Variants in PARD3B observed in about 807,000 individuals in gnomAD.
The protein encoded by PARD3B is partitioning defective 3 homolog B.
A neutral mutation model predicts 130.2 loss-of-function variants in PARD3B; 103 were observed. The ratio of observed to expected loss-of-function variants is 0.79; its 90% CI spans 0.67 to 0.93. The LOEUF is 0.93. Ranked by LOEUF, PARD3B falls within the 40% of genes least tolerant of loss-of-function variation. The pLI is 0.00. For missense variants in PARD3B, 1,609 were observed against 1,499.2 expected (o/e 1.07, Z -1.21); for synonymous variants, 583 against 553.2 (o/e 1.05, Z -0.76).
chr2:204,630,172 T>G (rs2034627255), intron 1 of PARD3B, among the ~76,000 whole-genome samples: 1 of 152,164 alleles, frequency 6.6e-6, no homozygotes, highest in African/African-American at 2.4e-5. Flanking sequence ...GATAGTGTTA[T>G]ACTCAATCTG....
In PARD3B at chr2:205,498,834, C is replaced by T. The variant is rs924228059; in HGVS notation, c.3045-1062C>T. Among the ~76,000 whole-genome samples, 72 of 152,188 alleles carry T rather than the reference C, an allele frequency of 4.7e-4. 3 individuals are homozygous for T. Among genetic ancestry groups the T allele is most frequent in the Non-Finnish European group, 1.3e-4 (9 of 68,030 alleles). On this transcript the variant is annotated intron_variant, in intron 20 of 22. Transcript: ENST00000406610. Reference sequence around the variant, plus strand: ...CCTTCTGTGATTTTCTTCAATGGCCCTGCTCTCACCTTGTCAAAGTTTAAG... The same window carrying T: ...CCTTCTGTGATTTTCTTCAATGGCCTTGCTCTCACCTTGTCAAAGTTTAAG...
chr2:204,949,990 G>C (rs1689633721), intron 2 of PARD3B, among the ~76,000 whole-genome samples: 1 of 152,134 alleles, frequency 6.6e-6, no homozygotes, highest in South Asian at 2.1e-4. Flanking sequence ...GGATGAATAA[G>C]ACTTTTGATC....
At chr2:205,083,944 CACG>C (rs1422084502) in intron 4 of PARD3B, among the ~76,000 whole-genome samples, 5 of 152,238 alleles carry the variant, frequency 3.3e-5, no homozygotes, top group Middle Eastern at 3.4e-3. Context: ...TTCCCAACAT[CACG>C]ACATTTATAT....
At chr2:205,008,846 G>A (rs1695487194) in intron 3 of PARD3B, among the ~76,000 whole-genome samples, 1 of 152,170 alleles carries the variant, frequency 6.6e-6, no homozygotes, top group Non-Finnish European at 1.5e-5. Context: ...GAGGCTAAGT[G>A]ATTTCCAAGA....
At chr2:205,063,036 A>T (rs955250026) in intron 4 of PARD3B, among the ~76,000 whole-genome samples, 3 of 152,052 alleles carry the variant, frequency 2.0e-5, no homozygotes, top group Non-Finnish European at 2.9e-5. Context: ...TATTATATAT[A>T]TTCAACTTTA....
rs1475438888 is a variant in PARD3B at position 205,458,780 on chromosome 2, A to G, written c.3044+18108A>G. On this transcript the variant is annotated intron_variant, in intron 20 of 22. Transcript: ENST00000406610. This position sits in a 1 kb window ranked among gnomAD's most constrained non-coding sequence, Gnocchi z 4.8. ...GTATGCATATTTTTGATCAAATGCT[A>G]GACACAGTCCTTGAAAAGCTGTAGA... is the stretch of plus-strand genomic sequence containing the variant. Among the ~76,000 whole-genome samples, 1 of 152,162 alleles carries G rather than the reference A, an allele frequency of 6.6e-6. No individual in the cohort carries two copies. Among genetic ancestry groups the G allele is most frequent in the Non-Finnish European group, 1.5e-5 (1 of 68,042 alleles).
chr2:205,098,968 G>C (rs1182561830), intron 4 of PARD3B, among the ~76,000 whole-genome samples: 1 of 152,140 alleles, frequency 6.6e-6, no homozygotes, highest in African/African-American at 2.4e-5. Context: ...AAAAATTGTA[G>C]TAATTAAACT....
rs140879397 is a variant in PARD3B, at chr2:204,711,799, C to T, written c.222+25517C>T. 8.2e-3 allele frequency among the ~76,000 whole-genome samples: 1,247 copies of T among 152,224 alleles called. 18 individuals are homozygous for T. The highest frequency in any genetic ancestry group is 0.028 in the African/African-American group (1,168 of 41,540). On this transcript the variant is annotated intron_variant, in intron 2 of 22. Coordinates refer to ENST00000406610, the MANE Select transcript of PARD3B (RefSeq NM_001302769.2). Reference sequence around the variant, plus strand: ...CTGACTTCAATTGATCTACCCACCTCGGCCTCCCAAAGTGCTGGGATTACA... The same window carrying T: ...CTGACTTCAATTGATCTACCCACCTTGGCCTCCCAAAGTGCTGGGATTACA...
chr2:204,829,930 C>T (rs2043742607), intron 2 of PARD3B, among the ~76,000 whole-genome samples: 2 of 133,818 alleles, frequency 1.5e-5, no homozygotes, highest in African/African-American at 5.7e-5. Context: ...ACCCGGGAGG[C>T]GGAGCTTGCA....
In PARD3B at chr2:205,142,022, C is replaced by A. The variant is rs2032998280; in HGVS notation, c.1434+16285C>A. On this transcript the variant is annotated intron_variant, in intron 10 of 22. Coordinates refer to ENST00000406610, the MANE Select transcript of PARD3B (RefSeq NM_001302769.2). This position sits in a 1 kb window ranked among gnomAD's most constrained non-coding sequence, Gnocchi z 4.3. ...TTGGGATAAGGGACAGTGGCATAAA[C>A]ATAAAAATGGAGTGGTCTCTGTTGC... 6.6e-6 allele frequency among the ~76,000 whole-genome samples: 1 copy of A among 152,116 alleles called. No homozygotes were observed. The highest frequency in any genetic ancestry group is 6.6e-5 in the Admixed American group (1 of 15,260).
chr2:204,564,919 A>G (rs924258918), intron 1 of PARD3B, among the ~76,000 whole-genome samples: 2 of 152,236 alleles, frequency 1.3e-5, no homozygotes, highest in African/African-American at 4.8e-5. Context: ...TACATTTATT[A>G]TATCACAGTT....
At chr2:204,896,679 G>C (rs1045605698) in intron 2 of PARD3B, among the ~76,000 whole-genome samples, 2 of 152,124 alleles carry the variant, frequency 1.3e-5, no homozygotes, top group African/African-American at 2.4e-5. Context: ...AGTACTCCTT[G>C]TAAGAGAGAC....
chr2:204,782,409 A>AT (rs1290653875), intron 2 of PARD3B, among the ~76,000 whole-genome samples: 1 of 151,758 alleles, frequency 6.6e-6, no homozygotes, highest in African/African-American at 2.4e-5. Context: ...TTCATGTCAC[A>AT]TGTATGTATT....
At position 205,361,623 on chromosome 2, in the gene PARD3B, A is replaced by G. The variant is rs145805783; in HGVS notation, c.2631-39390A>G. 9.4e-4 allele frequency among the ~76,000 whole-genome samples: 143 copies of G among 152,306 alleles called. 1 individual carries two copies. The highest frequency in any genetic ancestry group is 2.6e-3 in the Admixed American group (40 of 15,306). ...ACCCAGGGTTTTATCCTGCCCCTTA[A>G]GGTAACGTCTTTAGGTAACTAATCT... On this transcript the variant is annotated intron_variant, in intron 18 of 22. Transcript: ENST00000406610.
chr2:205,513,232 A>G (rs769321180), intron 21 of PARD3B, among the ~76,000 whole-genome samples: 3 of 152,146 alleles, frequency 2.0e-5, no homozygotes, highest in Non-Finnish European at 4.4e-5. Context: ...AAAACAAAAC[A>G]GAACAAATCG....
intron 2 of PARD3B, among the ~76,000 whole-genome samples, chr2:204,867,049 A>G (rs1335917383): frequency 6.6e-6 from 1 of 152,082 alleles, no homozygotes; most frequent in East Asian, 1.9e-4. Context: ...AGCCTGGGCA[A>G]TGATAGTGAA....
chr2:204,864,162 C>T (rs967998725), intron 2 of PARD3B, among the ~76,000 whole-genome samples: 3 of 152,070 alleles, frequency 2.0e-5, no homozygotes, highest in South Asian at 2.1e-4. Context: ...GCCTGGAGCA[C>T]GACAGCATAC....
chr2:204,553,722 C>T (rs2125046250), intron 1 of PARD3B, among the ~76,000 whole-genome samples: 1 of 132,488 alleles, frequency 7.5e-6, no homozygotes, highest in South Asian at 2.4e-4. Flanking sequence ...AGGAATACAC[C>T]TCAGCCATTA....
intron 22 of PARD3B, among the ~76,000 whole-genome samples, chr2:205,567,617 C>T (rs945886346): frequency 3.3e-5 from 5 of 151,580 alleles, no homozygotes; most frequent in Non-Finnish European, 7.4e-5. Flanking sequence ...CCACCGCGCC[C>T]GGCCTGTACT....
Sources: allele counts gnomAD v4.1 joint callset (sites outside exome capture counted in the v4.1 genomes callset), GRCh38; gene constraint gnomAD v4.1.1; non-coding constraint Gnocchi (gnomAD v3.1); transcripts MANE v1.5; gene names NCBI Gene and HGNC (gene_info 2026-07-23, HGNC 2026-07-21).